Variants in SRPK2 observed in about 807,000 individuals in gnomAD.
SRPK2 encodes the protein SFRS protein kinase 2.
A neutral mutation model predicts 90.8 loss-of-function variants in SRPK2; 21 were observed. The observed-to-expected ratio is 0.23, with a 90% CI of 0.16 to 0.33. The LOEUF (loss-of-function observed/expected upper bound fraction) is 0.33, where lower values mean the gene tolerates loss of function less well. Among genes scored for constraint, SRPK2 ranks in the 10% least tolerant of loss-of-function variants. SRPK2 has a pLI of 1.00. For synonymous variants in SRPK2, 288 were observed against 311.1 expected (o/e 0.93, Z 0.78); for missense variants, 620 against 869.0 (o/e 0.71, Z 3.60).
chr7:105,378,431 C>T (rs1044003251), intron 2 of SRPK2, among the ~76,000 whole-genome samples: 3 of 151,910 alleles, frequency 2.0e-5, no homozygotes, highest in Non-Finnish European at 2.9e-5. Flanking sequence ...CTTAAAAAGG[C>T]GCTTCACAAA....
chr7:105,201,891 A>C (rs925581025), intron 3 of SRPK2, among the ~76,000 whole-genome samples: 1 of 152,218 alleles, frequency 6.6e-6, no homozygotes, highest in African/African-American at 2.4e-5. Flanking sequence ...CAGAAAAAGA[A>C]AAAACAAGAA....
chr7:105,223,031 CTT>C (rs1435287013), intron 2 of SRPK2, among the ~76,000 whole-genome samples: 2 of 152,174 alleles, frequency 1.3e-5, no homozygotes, highest in Non-Finnish European at 2.9e-5. Context: ...GACAATTACT[CTT>C]TGTGAAAAAT....
intron 2 of SRPK2, among the ~76,000 whole-genome samples, chr7:105,297,165 A>G (rs1809933865): frequency 6.6e-6 from 1 of 152,210 alleles, no homozygotes; most frequent in Non-Finnish European, 1.5e-5. Context: ...AACATGGGTC[A>G]ATTTTATTAG....
chr7:105,124,130 G>A lies in SRPK2; in HGVS notation c.1915+2118C>T, dbSNP rs979707859. On this transcript the variant is annotated intron_variant, in intron 15 of 15. Transcript: ENST00000393651. ...AGCCATTTATGGCCACACGCAGGCC[G>A]CTCTCACTGAAAGGAACCATCACAG... Among the ~76,000 whole-genome samples, 10 of 152,140 alleles carry A rather than the reference G, an allele frequency of 6.6e-5. No homozygotes were observed. The East Asian group carries it at 7.7e-4, about 12-fold the overall frequency.
chr7:105,126,270 A>G lies in SRPK2; in HGVS notation c.1893T>C (p.Ser631=), dbSNP rs751432746. The change falls in exon 15 of 16, where the codon TCT becomes TCC. Residue 631 remains serine (S), a synonymous_variant. Coordinates refer to ENST00000393651, the MANE Select transcript of SRPK2 (RefSeq NM_182692.3). ...PRHFALSGKY[S]REFFNRRGEL... Reference sequence around the variant, plus strand: ...TACCTCTGCGATTGAAGAATTCCCGAGAATATTTTCCAGATAGAGCAAAGT... The same window carrying G: ...TACCTCTGCGATTGAAGAATTCCCGGGAATATTTTCCAGATAGAGCAAAGT... 1.2e-6 allele frequency: 2 copies of G among 1,613,900 alleles called. No homozygotes were observed. The highest frequency in any genetic ancestry group is 2.2e-5 in the East Asian group (1 of 44,888).
chr7:105,231,094 C>T (rs13235033), intron 2 of SRPK2, among the ~76,000 whole-genome samples: 19,914 of 152,124 alleles, frequency 0.13, 1,641 homozygotes, highest in East Asian at 0.31. Flanking sequence ...CCCTCCCTCG[C>T]CAAGTAGACC....
intron 3 of SRPK2, among the ~76,000 whole-genome samples, chr7:105,178,234 T>TA: frequency 6.6e-6 from 1 of 151,740 alleles, no homozygotes; most frequent in South Asian, 2.1e-4. Context: ...ATACTAAATA[T>TA]AAAAAAAGCA....
chr7:105,222,807 T>A (rs548095202), intron 2 of SRPK2, among the ~76,000 whole-genome samples: 1 of 152,262 alleles, frequency 6.6e-6, no homozygotes, highest in South Asian at 2.1e-4. Flanking sequence ...TGAAGAAGAA[T>A]GATATGGCCT....
chr7:105,195,698 T>C (rs927948708), intron 3 of SRPK2, among the ~76,000 whole-genome samples: 5 of 152,268 alleles, frequency 3.3e-5, no homozygotes, highest in Non-Finnish European at 4.4e-5. Flanking sequence ...TTCAGTTTTT[T>C]ATAACATCTT....
intron 1 of SRPK2, among the ~76,000 whole-genome samples, chr7:105,396,804 AAGAAAGAAAGAG>A (rs1348023089): frequency 3.6e-5 from 2 of 54,854 alleles, no homozygotes; most frequent in African/African-American, 4.6e-5. Context: ...GAGAAAGAGA[AAGAAAGAAAGAG>A]AGAAAGAGAG....
At chr7:105,194,121 ATAGT>A (rs560913086) in intron 3 of SRPK2, among the ~76,000 whole-genome samples, 4 of 152,126 alleles carry the variant, frequency 2.6e-5, no homozygotes, top group Non-Finnish European at 5.9e-5. Context: ...TTTTTATTTT[ATAGT>A]TAATGTTTCT....
intron 7 of SRPK2, among the ~76,000 whole-genome samples, chr7:105,147,163 CACAT>C (rs529171938): frequency 3.9e-4 from 59 of 152,194 alleles, no homozygotes; most frequent in African/African-American, 1.4e-3. Flanking sequence ...CTATATAACA[CACAT>C]ACAAAATACA....
intron 3 of SRPK2, among the ~76,000 whole-genome samples, chr7:105,179,003 A>T (rs1051885172): frequency 1.3e-5 from 2 of 152,234 alleles, no homozygotes; most frequent in African/African-American, 4.8e-5. Context: ...AATTACTAAT[A>T]AGGAAAATAG....
intron 2 of SRPK2, among the ~76,000 whole-genome samples, chr7:105,347,112 G>A (rs956241773): frequency 9.3e-5 from 14 of 151,108 alleles, no homozygotes; most frequent in African/African-American, 3.2e-4. Flanking sequence ...AGGCTGAAGT[G>A]CAGTGGGCAT....
At chr7:105,362,173 A>C (rs1432758818) in intron 2 of SRPK2, among the ~76,000 whole-genome samples, 1 of 152,244 alleles carries the variant, frequency 6.6e-6, no homozygotes, top group Non-Finnish European at 1.5e-5. Flanking sequence ...GAAGGATATG[A>C]ACAGACACTT....
intron 2 of SRPK2, among the ~76,000 whole-genome samples, chr7:105,291,236 G>A (rs559972667): frequency 6.6e-6 from 1 of 152,222 alleles, no homozygotes; most frequent in South Asian, 2.1e-4. Flanking sequence ...CACTTTCTGG[G>A]CCATACAAAG....
intron 6 of SRPK2, among the ~76,000 whole-genome samples, chr7:105,161,000 A>G (rs1807541806): frequency 6.6e-6 from 1 of 151,930 alleles, no homozygotes; most frequent in Admixed American, 6.6e-5. Flanking sequence ...ATCTTGGCTC[A>G]CTGCAAGCTC....
intron 2 of SRPK2, among the ~76,000 whole-genome samples, chr7:105,339,632 C>T (rs1815511617): frequency 6.6e-6 from 1 of 152,222 alleles, no homozygotes; most frequent in Admixed American, 6.5e-5. Context: ...TACTAAAACA[C>T]TGTTTGCTTT....
chr7:105,331,709 A>G (rs1268830425), intron 2 of SRPK2, among the ~76,000 whole-genome samples: 2 of 152,194 alleles, frequency 1.3e-5, no homozygotes, highest in East Asian at 3.8e-4. Context: ...CGGAAAACAC[A>G]GTAAATAGCA....
Sources: gnomAD v4.1 joint callset for allele counts (sites outside exome capture counted in the v4.1 genomes callset) on GRCh38, gnomAD v4.1.1 for gene constraint, MANE v1.5 for transcripts, NCBI Gene and HGNC (gene_info 2026-07-23, HGNC 2026-07-21) for gene names.